Variants in MANBA observed in about 807,000 individuals in gnomAD.
The protein encoded by MANBA is mannosidase beta.
Under a neutral mutation model 111.1 loss-of-function variants are expected in MANBA, and 83 were observed. The ratio of observed to expected loss-of-function variants is 0.75; its 90% confidence interval spans 0.63 to 0.90. The LOEUF (loss-of-function observed/expected upper bound fraction) is 0.90, where lower values mean the gene tolerates loss of function less well. Among genes scored for constraint, MANBA ranks in the 40% least tolerant of loss-of-function variants. MANBA has a pLI of 0.00. For missense variants in MANBA, 1,036 were observed against 1,069.0 expected (o/e 0.97, Z 0.43); for synonymous variants, 370 against 378.7 (o/e 0.98, Z 0.27).
intron 14 of MANBA, 43 bp from the exon 15 acceptor site, chr4:102,636,050 G>A (rs781195505): frequency 6.3e-7 from 1 of 1,580,412 alleles, no homozygotes; most frequent in Non-Finnish European, 8.7e-7. Flanking sequence ...AGGTCAAGTA[G>A]TCAGAGAGGC....
intron 1 of MANBA, chr4:102,729,694 T>G (rs1266555078): frequency 2.2e-5 from 34 of 1,556,472 alleles, no homozygotes; most frequent in Non-Finnish European, 8.8e-7. Flanking sequence ...GCCTCCAGCT[T>G]CAGCTTCTCC....
At position 102,652,097 on chromosome 4, in the gene MANBA, C is replaced by T. The variant is rs181941722; in HGVS notation, c.1705-1396G>A. Among the ~76,000 whole-genome samples the T allele has an allele frequency of 3.2e-3, 491 of 152,184 alleles. 3 individuals are homozygous for T. Among genetic ancestry groups the T allele is most frequent in the African/African-American group, 0.011 (473 of 41,536 alleles). Reference sequence around the variant, plus strand: ...TCAAACATTTATCATTTCTTTGTGTCGGGAACACTCAAAATTATCTCTTCT... The same window carrying T: ...TCAAACATTTATCATTTCTTTGTGTTGGGAACACTCAAAATTATCTCTTCT... On this transcript the variant is annotated intron_variant, in intron 12 of 16. Coordinates refer to ENST00000647097, the MANE Select transcript of MANBA (RefSeq NM_005908.4).
chr4:102,633,618 C>T (rs536881484), intron 16 of MANBA: 1 of 393,002 alleles, frequency 2.5e-6, no homozygotes, highest in South Asian at 1.4e-4. Flanking sequence ...GGACAAGTCT[C>T]ACTGAAATCA....
intron 1 of MANBA, chr4:102,751,736 G>A: frequency 1.9e-6 from 1 of 539,164 alleles, no homozygotes; most frequent in South Asian, 1.4e-5. Flanking sequence ...CAAAGGAATG[G>A]ATCTTGACTG....
In MANBA at chr4:102,690,589, C is replaced by T. The variant is rs1247955816; in HGVS notation, c.849+7G>A. The stretch of plus-strand genomic sequence containing the variant: ...TCCAGTGCTTCTCAGGAAGTACCAT[C>T]ATTTACCTTGCTAATGTTCACAAAT... On this transcript the variant is annotated splice_region_variant and intron_variant, in intron 6 of 16. Transcript: ENST00000647097. 6.2e-7 allele frequency: 1 copy of T among 1,608,486 alleles called. No individual in the cohort carries two copies. Among genetic ancestry groups the T allele is most frequent in the African/African-American group, 1.3e-5 (1 of 74,704 alleles).
chr4:102,662,551 C>CAAAAAAAAAAAAAAA (rs35519059), intron 11 of MANBA: 1 of 85,150 alleles, frequency 1.2e-5, no homozygotes, highest in African/African-American at 4.6e-5. Context: ...GACTCCATCT[C>CAAAAAAAAAAAAAAA]AAAAAAAAAA....
chr4:102,726,535 G>T, intron 2 of MANBA, 54 bp downstream of exon 2: 2 of 955,558 alleles, frequency 2.1e-6, no homozygotes, highest in Non-Finnish European at 3.3e-6. Context: ...TGCCCAGATA[G>T]AAAAAGAAGA....
chr4:102,731,286 T>G (rs908900940), intron 1 of MANBA, among the ~76,000 whole-genome samples: 1 of 152,056 alleles, frequency 6.6e-6, no homozygotes, highest in African/African-American at 2.4e-5. Context: ...TAGCCAGCAG[T>G]CTCTCATTGC....
chr4:102,671,421 A>T (rs536325445), intron 8 of MANBA, 23 bp from the exon 9 acceptor site: 1 of 1,414,072 alleles, frequency 7.1e-7, no homozygotes, highest in South Asian at 1.2e-5. Flanking sequence ...TTTTAGAAAC[A>T]AATCATAATT....
At chr4:102,702,470 T>A (rs1367317052) in intron 5 of MANBA, among the ~76,000 whole-genome samples, 3 of 152,104 alleles carry the variant, frequency 2.0e-5, no homozygotes, top group Non-Finnish European at 2.9e-5. Flanking sequence ...GCTCTGTTTT[T>A]TCCCAATCTT....
intron 7 of MANBA, among the ~76,000 whole-genome samples, chr4:102,679,985 TA>T (rs1731890186): frequency 6.6e-6 from 1 of 152,052 alleles, no homozygotes; most frequent in South Asian, 2.1e-4. Flanking sequence ...AGAAAATGGC[TA>T]AATGATTGTG....
chr4:102,707,089 A>G (rs1314539104), intron 5 of MANBA, among the ~76,000 whole-genome samples: 2 of 152,202 alleles, frequency 1.3e-5, no homozygotes, highest in East Asian at 1.9e-4. Flanking sequence ...AGATTCCCAA[A>G]CAGATCCATT....
In MANBA at chr4:102,631,098, A is replaced by T. The variant is rs1162371265; in HGVS notation, c.*959T>A. On this transcript the variant is annotated 3_prime_UTR_variant, in exon 17 of 17. Transcript: ENST00000647097. ...AGCCCTAAGTCCCCTTATCCCCTTG[A>T]TAAGGCTTTGTGTGTGTGTGTGTGT... The T allele has an allele frequency of 5.7e-5, 8 of 139,284 alleles. No homozygotes were observed. The highest frequency in any genetic ancestry group is 1.1e-4 in the Non-Finnish European group (7 of 65,620). 8.6% of individuals were successfully genotyped at this position (139,284 alleles called of 1,614,324 possible). A position where few individuals can be genotyped will look rare whatever the true frequency, so the allele number is the denominator to read the frequency against.
chr4:102,669,181 C>G (rs573740080), intron 9 of MANBA, 132 bp from the exon 10 acceptor site: 1 of 737,928 alleles, frequency 1.4e-6, no homozygotes, highest in Admixed American at 2.1e-5. Flanking sequence ...AGTGTGATCA[C>G]TGGGGCGCCA....
chr4:102,654,961 T>C (rs1730496880), intron 12 of MANBA, among the ~76,000 whole-genome samples: 1 of 152,168 alleles, frequency 6.6e-6, no homozygotes, highest in South Asian at 2.1e-4. Flanking sequence ...TCCTCCAAAA[T>C]ATTATTAGAG....
chr4:102,735,839 C>T (rs1253567150), intron 1 of MANBA, among the ~76,000 whole-genome samples: 1 of 152,100 alleles, frequency 6.6e-6, no homozygotes, highest in African/African-American at 2.4e-5. Flanking sequence ...ACAGTAAATA[C>T]CATTTAATAG....
Position 102,685,697 on chromosome 4 carries a change from T to A in MANBA, c.960+3877A>T, listed in dbSNP as rs139529889. Among the ~76,000 whole-genome samples the A allele has an allele frequency of 4.5e-3, 684 of 152,288 alleles. 7 individuals are homozygous for A. Among genetic ancestry groups the A allele is most frequent in the African/African-American group, 0.016 (671 of 41,562 alleles). ...ATTCTCTTAATGGTATCCTTTTCTA[T>A]GTTGAAATCATTGCAAACTTGTAAT... is the stretch of plus-strand genomic sequence containing the variant. On this transcript the variant is annotated intron_variant, in intron 7 of 16. Transcript: ENST00000647097.
Position 102,664,694 on chromosome 4 carries a change from G to C in MANBA, c.1476C>G (p.Leu492=). 1.2e-6 allele frequency: 2 copies of C among 1,612,032 alleles called. No homozygotes were observed. Among genetic ancestry groups the C allele is most frequent in the Non-Finnish European group, 1.7e-6 (2 of 1,178,084 alleles). Residue 492 remains leucine (L), a synonymous_variant, in exon 11 of 17, where the codon CTC becomes CTG. Coordinates refer to ENST00000647097, the MANE Select transcript of MANBA (RefSeq NM_005908.4). The part of the protein sequence containing the change: ...VTLYVKNIRE[L]VLAGDKSRPF... Reference sequence around the variant, plus strand: ...AAAAATCATTACTTACTGCCAGTACGAGCTCTCTGATGTTTTTCACATAGA... The same window carrying C: ...AAAAATCATTACTTACTGCCAGTACCAGCTCTCTGATGTTTTTCACATAGA...
rs1729390401 is a variant in MANBA at position 102,631,876 on chromosome 4, G to A, written c.*181C>T. ...AGGCTTGTTTGAGGACATTGCCTGG[G>A]TAAACAGCCTCCCCTGAAAGTGTTC... On this transcript the variant is annotated 3_prime_UTR_variant, in exon 17 of 17. Coordinates refer to ENST00000647097, the MANE Select transcript of MANBA (RefSeq NM_005908.4). 6.0e-6 allele frequency: 4 copies of A among 663,670 alleles called. No individual in the cohort carries two copies. Among genetic ancestry groups the A allele is most frequent in the Non-Finnish European group, 8.1e-6 (3 of 372,314 alleles). The allele number at this position is 663,670 out of a possible 1,614,324, so 41.1% of individuals were successfully genotyped here.
Sources: allele counts gnomAD v4.1 joint callset (sites outside exome capture counted in the v4.1 genomes callset), GRCh38; gene constraint gnomAD v4.1.1; transcripts MANE v1.5; gene names NCBI Gene and HGNC (gene_info 2026-07-23, HGNC 2026-07-21).